HTR7: variants seen among roughly 807,000 people sequenced by gnomAD.
HTR7 encodes 5-hydroxytryptamine receptor 7.
In HTR7, 16 loss-of-function variants were observed where a neutral mutation model predicts 34.0. The ratio of observed to expected loss-of-function variants is 0.47; its 90% CI spans 0.32 to 0.71. The LOEUF is 0.71. HTR7 is among the 30% of genes least tolerant of loss of function. The pLI is 0.04. For synonymous variants in HTR7, 265 were observed against 260.2 expected (o/e 1.02, Z -0.18); for missense variants, 504 against 625.5 (o/e 0.81, Z 2.07).
At chr10:90,838,262 T>TCTA (rs1416283681) in intron 1 of HTR7, among the ~76,000 whole-genome samples, 1 of 152,194 alleles carries the variant, frequency 6.6e-6, no homozygotes, top group Non-Finnish European at 1.5e-5. Flanking sequence ...AGTATCACCA[T>TCTA]CTACTGAATT....
At chr10:90,822,557 T>TTGTAGTC (rs1846001168) in intron 1 of HTR7, among the ~76,000 whole-genome samples, 2 of 152,174 alleles carry the variant, frequency 1.3e-5, no homozygotes, top group African/African-American at 4.8e-5. Flanking sequence ...TTTGGAAAAT[T>TTGTAGTC]TGTAGTCTGG....
Position 90,820,332 on chromosome 10 carries a change from C to T in HTR7, c.539+36801G>A, listed in dbSNP as rs77233724. ...GTTGTTGTTGGCAGGGAAGTAGGGA[C>T]GAGAAAGAAGAATCTGAACACGGTG... On this transcript the variant is annotated intron_variant, in intron 1 of 3. Coordinates refer to ENST00000336152, the MANE Select transcript of HTR7 (RefSeq NM_019859.4). Among the ~76,000 whole-genome samples, 1,047 of 152,004 alleles carry T rather than the reference C, an allele frequency of 6.9e-3. 13 individuals are homozygous for T. The highest frequency in any genetic ancestry group is 0.024 in the African/African-American group (977 of 41,472).
intron 1 of HTR7, among the ~76,000 whole-genome samples, chr10:90,785,396 C>T (rs994614154): frequency 1.4e-4 from 22 of 151,980 alleles, no homozygotes; most frequent in Non-Finnish European, 1.5e-5. Context: ...GTGGCAGAGA[C>T]ATGTATTTTG....
At chr10:90,836,946 C>A (rs1021001425) in intron 1 of HTR7, among the ~76,000 whole-genome samples, 1 of 152,122 alleles carries the variant, frequency 6.6e-6, no homozygotes, top group African/African-American at 2.4e-5. Context: ...TTCAGAAGAA[C>A]CTGTATCCTA....
chr10:90,742,789 T>C (rs1217196714), intron 3 of HTR7, among the ~76,000 whole-genome samples: 2 of 152,190 alleles, frequency 1.3e-5, no homozygotes, highest in African/African-American at 2.4e-5. Context: ...TTCACCTTTT[T>C]AATACAGCTA....
intron 1 of HTR7, among the ~76,000 whole-genome samples, chr10:90,782,610 G>C (rs1845321765): frequency 1.3e-5 from 2 of 151,834 alleles, no homozygotes; most frequent in Non-Finnish European, 2.9e-5. Context: ...CAGAGGAAAG[G>C]CATTCTGATA....
chr10:90,838,092 A>C (rs1201472028), intron 1 of HTR7, among the ~76,000 whole-genome samples: 1 of 152,156 alleles, frequency 6.6e-6, no homozygotes, highest in Non-Finnish European at 1.5e-5. Flanking sequence ...CCATTGCCTG[A>C]AGTATCATTT....
chr10:90,831,581 A>C (rs1846179657), intron 1 of HTR7, among the ~76,000 whole-genome samples: 1 of 152,198 alleles, frequency 6.6e-6, no homozygotes, highest in Non-Finnish European at 1.5e-5. Flanking sequence ...GCGGGTTGCC[A>C]CTGCTGGCTC....
In HTR7 at chr10:90,742,489, T is replaced by C; in HGVS notation, c.1433A>G (p.His478Arg). 2 of 1,601,176 alleles carry C rather than the reference T, an allele frequency of 1.2e-6. No individual in the cohort carries two copies. The highest frequency in any genetic ancestry group is 1.1e-5 in the South Asian group (1 of 90,424). Reference sequence around the variant, plus strand: ...ATCTCCATTGTTCTGCTTTCAATCATGAATCATGACCTTTTTTTCTACAGT... The same window carrying C: ...ATCTCCATTGTTCTGCTTTCAATCACGAATCATGACCTTTTTTTCTACAGT... Reference protein sequence around the residue: ...LTTVEKKVMIHD With the variant: ...LTTVEKKVMIRD Residue 478 changes from histidine (H) to arginine (R), a missense_variant, in exon 4 of 4, where the codon CAT (histidine) becomes CGT (arginine). This residue lies in a region of HTR7 where 154 missense variants were observed against 212.1 expected (regional missense o/e 0.73). Coordinates refer to ENST00000336152, the MANE Select transcript of HTR7 (RefSeq NM_019859.4).
intron 1 of HTR7, among the ~76,000 whole-genome samples, chr10:90,802,779 T>C (rs1320096288): frequency 6.6e-6 from 1 of 152,178 alleles, no homozygotes; most frequent in Non-Finnish European, 1.5e-5. Context: ...TAGTTAAAAT[T>C]CATGATCATG....
chr10:90,799,995 A>G (rs1483243884), intron 1 of HTR7, among the ~76,000 whole-genome samples: 1 of 152,254 alleles, frequency 6.6e-6, no homozygotes, highest in African/African-American at 2.4e-5. Context: ...AAACAATCCA[A>G]TTAAAAAGTG....
At chr10:90,853,532 AG>A (rs1188816329) in intron 1 of HTR7, among the ~76,000 whole-genome samples, 1 of 149,218 alleles carries the variant, frequency 6.7e-6, no homozygotes, top group Non-Finnish European at 1.5e-5. Context: ...CTTGAACTCC[AG>A]GGCTCCAGCA....
At chr10:90,841,673 A>G (rs1427074676) in intron 1 of HTR7, among the ~76,000 whole-genome samples, 2 of 152,140 alleles carry the variant, frequency 1.3e-5, no homozygotes, top group African/African-American at 4.8e-5. Context: ...TTCATAAATC[A>G]TGTTCACAAA....
chr10:90,797,520 A>G (rs1217141995), intron 1 of HTR7, among the ~76,000 whole-genome samples: 1 of 150,156 alleles, frequency 6.7e-6, no homozygotes, highest in Non-Finnish European at 1.5e-5. Context: ...AGGGTCATAC[A>G]TTGTGGTAAC....
chr10:90,850,045 G>C (rs1264725767), intron 1 of HTR7, among the ~76,000 whole-genome samples: 1 of 152,216 alleles, frequency 6.6e-6, no homozygotes, highest in African/African-American at 2.4e-5. Context: ...TTGCTAATAA[G>C]GGGCAAAAAC....
intron 1 of HTR7, among the ~76,000 whole-genome samples, chr10:90,802,885 G>T (rs112066245): frequency 0.016 from 2,422 of 151,962 alleles, 65 homozygotes; most frequent in African/African-American, 0.055. Flanking sequence ...TCTTCCATCT[G>T]TGGGGGCATA....
chr10:90,839,325 A>G (rs921457155), intron 1 of HTR7, among the ~76,000 whole-genome samples: 1 of 152,234 alleles, frequency 6.6e-6, no homozygotes, highest in South Asian at 2.1e-4. Context: ...TGAAATATTC[A>G]GGCAACTGGA....
In HTR7 at chr10:90,842,717, GAA is replaced by G. The variant is rs77219212; in HGVS notation, c.539+14414_539+14415del. Reference sequence around the variant, plus strand: ...TTCATCAAAAATGTGTTTATTTAGTGAAAAAAAAAAAAGGACCCTGAGATTTT... The same window carrying G: ...TTCATCAAAAATGTGTTTATTTAGTGAAAAAAAAAAGGACCCTGAGATTTT... On this transcript the variant is annotated intron_variant, in intron 1 of 3. Transcript: ENST00000336152. 1.8e-3 allele frequency among the ~76,000 whole-genome samples: 256 copies of G among 142,696 alleles called. 1 individual carries two copies. Among genetic ancestry groups the G allele is most frequent in the African/African-American group, 6.0e-3 (234 of 38,910 alleles). The allele number at this position is 142,696 out of a possible 152,430, so 93.6% of individuals were successfully genotyped here.
At chr10:90,764,466 C>T (rs977651012) in intron 1 of HTR7, among the ~76,000 whole-genome samples, 1 of 152,122 alleles carries the variant, frequency 6.6e-6, no homozygotes, top group African/African-American at 2.4e-5. Flanking sequence ...TATGGAAATG[C>T]AACTAATTTG....
Sources: gnomAD v4.1 joint callset for allele counts (sites outside exome capture counted in the v4.1 genomes callset) on GRCh38, gnomAD v4.1.1 for gene constraint, gnomAD v4.1.1 regional missense constraint, MANE v1.5 for transcripts, NCBI Gene and HGNC (gene_info 2026-07-23, HGNC 2026-07-21) for gene names.